The following RBFOX3 variants were observed in gnomAD, a reference collection of about 807,000 sequenced individuals.
The protein encoded by RBFOX3 is RNA binding fox-1 homolog 3.
In RBFOX3, 17 loss-of-function variants were observed where a neutral mutation model predicts 48.7. The observed-to-expected ratio is 0.35, with a 90% confidence interval of 0.24 to 0.52. The LOEUF (loss-of-function observed/expected upper bound fraction) is 0.52. Among genes scored for constraint, RBFOX3 ranks in the 20% least tolerant of loss-of-function variants. The pLI is 0.94. For synonymous variants in RBFOX3, 212 were observed against 209.5 expected, an observed-to-expected ratio of 1.01 and a Z score of -0.10; for missense variants, 382 against 497.5, an observed-to-expected ratio of 0.77 and a Z score of 2.21.
At chr17:79,524,265 T>C (rs2086507850) in intron 1 of RBFOX3, among the ~76,000 whole-genome samples, 1 of 152,176 alleles carries the variant, frequency 6.6e-6, no homozygotes, top group Admixed American at 6.5e-5. Context: ...ACAGTAGACA[T>C]GCTGCAGGTT....
At chr17:79,293,488 T>C (rs1319750075) in intron 3 of RBFOX3, among the ~76,000 whole-genome samples, 3 of 148,082 alleles carry the variant, frequency 2.0e-5, no homozygotes, top group East Asian at 4.0e-4. Context: ...TGTCTCACTC[T>C]GTCTCCCAGG....
In RBFOX3 at chr17:79,392,101, G is replaced by A. The variant is rs147893872; in HGVS notation, c.-174-84277C>T. Among the ~76,000 whole-genome samples the A allele has an allele frequency of 3.2e-4, 49 of 152,274 alleles. No homozygotes were observed. In the East Asian group the frequency reaches 9.3e-3, roughly 29 times the overall value. On this transcript the variant is annotated intron_variant, in intron 2 of 14. Transcript: ENST00000693108. This position sits in a 1 kb window ranked among gnomAD's most constrained non-coding sequence, Gnocchi z 5.0. ...CTTCGGACCCGCTGCGGGACCTTGG[G>A]CAAACTCTTTTAGCCTCAGCACCTT... is the stretch of plus-strand genomic sequence containing the variant.
intron 4 of RBFOX3, among the ~76,000 whole-genome samples, chr17:79,163,418 G>A (rs1387644272): frequency 6.6e-6 from 1 of 152,258 alleles, no homozygotes; most frequent in South Asian, 2.1e-4. Context: ...TCAGGCTGTG[G>A]TGGGGCAGAG....
intron 1 of RBFOX3, among the ~76,000 whole-genome samples, chr17:79,575,755 C>A (rs964372423): frequency 0.011 from 1,664 of 152,336 alleles, 37 homozygotes; most frequent in African/African-American, 0.039. Flanking sequence ...TTGCCCGGGG[C>A]AGCCTGCCAG....
the RBFOX3 span, among the ~76,000 whole-genome samples, chr17:79,628,135 C>T: frequency 6.6e-6 from 1 of 151,348 alleles, no homozygotes; most frequent in Non-Finnish European, 1.5e-5. Flanking sequence ...TGTTCCAGGA[C>T]CCCCAACTCC....
chr17:79,564,271 G>C (rs1267636447), intron 1 of RBFOX3, among the ~76,000 whole-genome samples: 1 of 152,228 alleles, frequency 6.6e-6, no homozygotes, highest in Non-Finnish European at 1.5e-5. Context: ...CTTTGAGCCA[G>C]ATGAAACAGA....
chr17:79,292,424 AG>A (rs1233937555), intron 3 of RBFOX3, among the ~76,000 whole-genome samples: 1 of 152,192 alleles, frequency 6.6e-6, no homozygotes, highest in Non-Finnish European at 1.5e-5. Context: ...AAGAGCAACC[AG>A]GGGACAAGGG....
At chr17:79,211,133 A>G (rs1040574825) in intron 4 of RBFOX3, among the ~76,000 whole-genome samples, 2 of 152,310 alleles carry the variant, frequency 1.3e-5, no homozygotes, top group Admixed American at 6.5e-5. Context: ...CACCTTCTCC[A>G]GCGTCCGGCG....
At chr17:79,529,654 G>A (rs141865720) in intron 1 of RBFOX3, among the ~76,000 whole-genome samples, 4,435 of 152,304 alleles carry the variant, frequency 0.029, 96 homozygotes, top group African/African-American at 0.058. Flanking sequence ...CTGTGGCAGA[G>A]GGAGAACTGG....
intron 1 of RBFOX3, among the ~76,000 whole-genome samples, chr17:79,609,307 G>C (rs2145534060): frequency 6.6e-6 from 1 of 152,284 alleles, no homozygotes; most frequent in Admixed American, 6.5e-5. Flanking sequence ...TAAGTGCCCG[G>C]GGCGCCCGGG....
intron 1 of RBFOX3, among the ~76,000 whole-genome samples, chr17:79,536,611 G>C (rs1385128641): frequency 6.8e-6 from 1 of 148,106 alleles, no homozygotes; most frequent in East Asian, 1.9e-4. Context: ...TTGGCCACGG[G>C]TGTTTTCCCC....
intron 2 of RBFOX3, among the ~76,000 whole-genome samples, chr17:79,326,993 G>A (rs948206917): frequency 2.0e-5 from 3 of 152,186 alleles, no homozygotes; most frequent in African/African-American, 7.2e-5. Context: ...AGCACACCAG[G>A]AGCCGATCTG....
intron 4 of RBFOX3, among the ~76,000 whole-genome samples, chr17:79,156,539 G>A (rs1457454552): frequency 2.0e-5 from 3 of 152,162 alleles, no homozygotes; most frequent in Admixed American, 6.5e-5. Flanking sequence ...GCAGGCCTAG[G>A]GTCCCCATGG....
intron 2 of RBFOX3, among the ~76,000 whole-genome samples, chr17:79,436,326 C>T (rs1319357375): frequency 1.3e-5 from 2 of 152,242 alleles, no homozygotes; most frequent in Non-Finnish European, 2.9e-5. Flanking sequence ...AACACACATG[C>T]TTGTGTGTGC....
At chr17:79,223,296 C>T (rs1567869385) in intron 4 of RBFOX3, among the ~76,000 whole-genome samples, 7 of 152,202 alleles carry the variant, frequency 4.6e-5, no homozygotes, top group Admixed American at 4.6e-4. Context: ...TGCACGGATG[C>T]CCTGATACCC....
chr17:79,124,808 C>G (rs1020742609), intron 4 of RBFOX3, among the ~76,000 whole-genome samples: 2 of 152,220 alleles, frequency 1.3e-5, no homozygotes, highest in East Asian at 3.8e-4. Context: ...TTCCTGGTGA[C>G]AGTGGGGGGT....
At chr17:79,442,826 G>C (rs1210094966) in intron 2 of RBFOX3, among the ~76,000 whole-genome samples, 1 of 152,292 alleles carries the variant, frequency 6.6e-6, no homozygotes, top group East Asian at 1.9e-4. Flanking sequence ...CCCCTCCCAG[G>C]AGGACAGGAC....
intron 2 of RBFOX3, among the ~76,000 whole-genome samples, chr17:79,397,332 T>G (rs1456144588): frequency 1.3e-5 from 2 of 150,976 alleles, no homozygotes; most frequent in South Asian, 2.1e-4. Context: ...AATAAAAAAT[T>G]TAAAAAAAAA....
intron 2 of RBFOX3, among the ~76,000 whole-genome samples, chr17:79,466,443 CTCCT>C (rs1555753829): frequency 6.6e-6 from 1 of 152,160 alleles, no homozygotes; most frequent in Non-Finnish European, 1.5e-5. Context: ...CAGAACCTCC[CTCCT>C]TCCTTGCCTG....
Sources: gnomAD v4.1 joint callset for allele counts (sites outside exome capture counted in the v4.1 genomes callset) on GRCh38, gnomAD v4.1.1 for gene constraint, Gnocchi (gnomAD v3.1) non-coding constraint, MANE v1.5 for transcripts, NCBI Gene and HGNC (gene_info 2026-07-23, HGNC 2026-07-21) for gene names.